The following KCNK2 variants were observed in gnomAD, a reference collection of about 807,000 sequenced individuals.
The protein encoded by KCNK2 is potassium two pore domain channel subfamily K member 2.
KCNK2 carries 21 observed loss-of-function variants against 40.5 expected under a neutral mutation model. The ratio of observed to expected loss-of-function variants is 0.52; its 90% CI spans 0.37 to 0.75. KCNK2 has a LOEUF of 0.75. Ranked by LOEUF, KCNK2 falls within the 30% of genes least tolerant of loss-of-function variation. The pLI is 0.00. For synonymous variants in KCNK2, 191 were observed against 202.2 expected, an observed-to-expected ratio of 0.94 and a Z score of 0.47; for missense variants, 399 against 531.6, an observed-to-expected ratio of 0.75 and a Z score of 2.45.
At chr1:215,144,459 A>G (rs1314269511) in intron 3 of KCNK2, among the ~76,000 whole-genome samples, 2 of 152,094 alleles carry the variant, frequency 1.3e-5, no homozygotes, top group Admixed American at 6.6e-5. Flanking sequence ...ACAGTAGTTG[A>G]TGAGTTTTGA....
intron 6 of KCNK2, among the ~76,000 whole-genome samples, chr1:215,195,696 A>T (rs1438073573): frequency 6.6e-6 from 1 of 152,190 alleles, no homozygotes; most frequent in East Asian, 1.9e-4. Flanking sequence ...GACCCATGAA[A>T]TTTGGGAAAA....
intron 3 of KCNK2, among the ~76,000 whole-genome samples, chr1:215,153,531 C>T (rs1462921205): frequency 6.6e-6 from 1 of 151,352 alleles, no homozygotes; most frequent in Admixed American, 6.6e-5. Context: ...CCTTTGCATG[C>T]TGTTTACGTT....
rs756218432 is a variant in KCNK2, at chr1:215,148,080, C to CTTTTTT, written c.476-21106_476-21101dup. 1.7e-4 allele frequency among the ~76,000 whole-genome samples: 19 copies of CTTTTTT among 111,142 alleles called. 2 individuals carry two copies. The highest frequency in any genetic ancestry group is 0.013 in the Middle Eastern group (2 of 154). 72.9% of individuals were successfully genotyped at this position (111,142 alleles called of 152,430 possible). A position where few individuals can be genotyped will look rare whatever the true frequency, so the allele number is the denominator to read the frequency against. On this transcript the variant is annotated intron_variant, in intron 3 of 6. Transcript: ENST00000444842. The stretch of plus-strand genomic sequence containing the variant: ...ATTATTATTTTTTTATTTTCTTTTC[C>CTTTTTT]TTTTTTTTTTTTTTTTTTGGCAGGG...
At chr1:215,105,105 A>C (rs773994131) in intron 2 of KCNK2, among the ~76,000 whole-genome samples, 1 of 152,112 alleles carries the variant, frequency 6.6e-6, no homozygotes, top group Non-Finnish European at 1.5e-5. Context: ...ACAAATTTAC[A>C]AATGTCTAAT....
chr1:215,009,386 G>A (rs1656296534), intron 1 of KCNK2, among the ~76,000 whole-genome samples: 1 of 152,058 alleles, frequency 6.6e-6, no homozygotes, highest in East Asian at 1.9e-4. Flanking sequence ...GTCAGCAGCA[G>A]CTATTAAAGA....
intron 5 of KCNK2, among the ~76,000 whole-genome samples, chr1:215,181,126 A>G (rs1172695300): frequency 2.7e-5 from 4 of 150,388 alleles, no homozygotes; most frequent in Non-Finnish European, 5.9e-5. Flanking sequence ...AAGCTCTGAA[A>G]TTCTTTCTTC....
At chr1:215,186,503 T>C in intron 5 of KCNK2, among the ~76,000 whole-genome samples, 1 of 152,224 alleles carries the variant, frequency 6.6e-6, no homozygotes, top group Non-Finnish European at 1.5e-5. Context: ...TAGAGCATAA[T>C]ACATTTCTAA....
In KCNK2 at chr1:215,056,416, T is replaced by C. The variant is rs934078483; in HGVS notation, c.35-29952T>C. Among the ~76,000 whole-genome samples, 23 of 147,242 alleles carry C rather than the reference T, an allele frequency of 1.6e-4. 1 individual carries two copies. Among genetic ancestry groups the C allele is most frequent in the African/African-American group, 5.2e-4 (21 of 40,242 alleles). ...CATAAGATTATCAAGAGTACCTTGTTGTATACATAAACTGGGAGATGGAGG... is the reference window on the plus strand; with the variant it reads ...CATAAGATTATCAAGAGTACCTTGTCGTATACATAAACTGGGAGATGGAGG... On this transcript the variant is annotated intron_variant, in intron 1 of 6. Transcript: ENST00000391895.
chr1:215,228,880 A>G (rs76197629), intron 6 of KCNK2, among the ~76,000 whole-genome samples: 1 of 152,102 alleles, frequency 6.6e-6, no homozygotes, highest in Non-Finnish European at 1.5e-5. Context: ...CAATTTTATC[A>G]CCAGGAAAAG....
chr1:215,065,501 G>A (rs1266136760), intron 1 of KCNK2, among the ~76,000 whole-genome samples: 1 of 152,130 alleles, frequency 6.6e-6, no homozygotes, highest in Non-Finnish European at 1.5e-5. Context: ...TCAAAACCAA[G>A]TTCTTTCCTT....
intron 5 of KCNK2, among the ~76,000 whole-genome samples, chr1:215,192,645 A>G (rs1243718631): frequency 6.6e-6 from 1 of 152,194 alleles, no homozygotes; most frequent in Non-Finnish European, 1.5e-5. Context: ...AATGAAATTC[A>G]CTGGTGAGAC....
chr1:215,034,096 G>T (rs375923735), intron 1 of KCNK2, among the ~76,000 whole-genome samples: 1 of 152,120 alleles, frequency 6.6e-6, no homozygotes, highest in Admixed American at 6.6e-5. Context: ...AGGGGGAATT[G>T]GTTTGTTCCA....
chr1:215,223,311 T>C (rs1021372502), intron 6 of KCNK2, among the ~76,000 whole-genome samples: 3 of 150,038 alleles, frequency 2.0e-5, no homozygotes, highest in Non-Finnish European at 3.0e-5. Flanking sequence ...CTGTTGGTAA[T>C]TGGAAAAACC....
At chr1:215,080,603 C>A (rs1446744290), upstream of KCNK2, among the ~76,000 whole-genome samples, 1 of 131,354 alleles carries the variant, frequency 7.6e-6, no homozygotes, top group Non-Finnish European at 1.6e-5. Flanking sequence ...CTAGTTACTG[C>A]AGATATTATG....
chr1:215,154,837 G>A (rs1211821773), intron 3 of KCNK2, among the ~76,000 whole-genome samples: 12 of 152,052 alleles, frequency 7.9e-5, no homozygotes, highest in African/African-American at 2.2e-4. Flanking sequence ...TTGAATAGGC[G>A]ATCCTTCCCC....
intron 1 of KCNK2, among the ~76,000 whole-genome samples, chr1:215,067,114 C>T (rs183641776): frequency 4.1e-4 from 63 of 152,162 alleles, no homozygotes; most frequent in Middle Eastern, 6.8e-3. Flanking sequence ...ACTGTTTTTC[C>T]TCAAAAGGAG....
At chr1:215,149,587 C>T (rs1044262476) in intron 3 of KCNK2, among the ~76,000 whole-genome samples, 8 of 152,160 alleles carry the variant, frequency 5.3e-5, no homozygotes, top group Non-Finnish European at 1.5e-5. Flanking sequence ...GCTAGCCTTT[C>T]GCTAAGGTCA....
intron 3 of KCNK2, among the ~76,000 whole-genome samples, chr1:215,125,825 G>A (rs1661409271): frequency 6.8e-6 from 1 of 147,654 alleles, no homozygotes; most frequent in African/African-American, 2.5e-5. Context: ...TTGTCATTCT[G>A]TGAGACTTGG....
intron 2 of KCNK2, among the ~76,000 whole-genome samples, chr1:215,091,343 G>A (rs1659685955): frequency 6.6e-6 from 1 of 152,132 alleles, no homozygotes; most frequent in Admixed American, 6.5e-5. Context: ...ATACCAGGGA[G>A]GTGGGCTTTA....
Sources: gnomAD v4.1 joint callset for allele counts (sites outside exome capture counted in the v4.1 genomes callset) on GRCh38, gnomAD v4.1.1 for gene constraint, MANE v1.5 for transcripts, NCBI Gene and HGNC (gene_info 2026-07-23, HGNC 2026-07-21) for gene names.